RTN4: variants seen among roughly 807,000 people sequenced by gnomAD.
RTN4 encodes the protein reticulon 4.
In RTN4, 32 loss-of-function variants were observed where a neutral mutation model predicts 90.4. The ratio of observed to expected loss-of-function variants is 0.35; its 90% CI spans 0.27 to 0.48. The LOEUF (loss-of-function observed/expected upper bound fraction) is 0.48. RTN4 is among the 20% of genes least tolerant of loss of function. RTN4 has a pLI of 0.99. For missense variants in RTN4, 1,706 were observed against 1,430.2 expected (o/e 1.19, Z -3.11); for synonymous variants, 629 against 552.5 (o/e 1.14, Z -1.94).
upstream of RTN4, among the ~76,000 whole-genome samples, chr2:55,116,112 T>TTTTTTTA (rs1668120496): frequency 7.6e-5 from 11 of 144,768 alleles, no homozygotes; most frequent in East Asian, 4.1e-4. Flanking sequence ...TTTTTTTTTT[T>TTTTTTTA]GAGATTGGGT....
In RTN4 at chr2:55,049,882, G is replaced by C; in HGVS notation, c.419C>G (p.Pro140Arg). Residue 140 changes from proline (P) to arginine (R), a missense_variant, in exon 1 of 9, where the codon CCG becomes CGG. Coordinates refer to ENST00000337526, the MANE Select transcript of RTN4 (RefSeq NM_020532.5). ...PSKLPEDDEP[P>R]ARPPPPPPAS... ...CGGGGGAGGAGGGGGAGGCCGGGCC[G>C]GAGGCTCGTCGTCCTCAGGGAGCTT... 7.6e-7 allele frequency: 1 copy of C among 1,319,672 alleles called. No homozygotes were observed. The allele number at this position is 1,319,672 out of a possible 1,614,324, so 81.7% of individuals were successfully genotyped here.
intron 1 of RTN4, among the ~76,000 whole-genome samples, chr2:55,109,326 A>G (rs1426093286): frequency 6.6e-6 from 1 of 151,884 alleles, no homozygotes; most frequent in Non-Finnish European, 1.5e-5. Context: ...AAAGTTAAAG[A>G]AATGTCAATG....
At chr2:55,008,115 T>A (rs533885810) in intron 3 of RTN4, among the ~76,000 whole-genome samples, 10 of 149,990 alleles carry the variant, frequency 6.7e-5, no homozygotes, top group Middle Eastern at 6.8e-3. Flanking sequence ...AGATCGAGTA[T>A]CTTAAATACC....
At chr2:55,018,983 C>T (rs1487559944) in intron 3 of RTN4, among the ~76,000 whole-genome samples, 1 of 152,032 alleles carries the variant, frequency 6.6e-6, no homozygotes, top group Non-Finnish European at 1.5e-5. Context: ...TAAAATAGGC[C>T]TACAATATTT....
intron 1 of RTN4, among the ~76,000 whole-genome samples, chr2:55,100,316 T>C (rs1246952116): frequency 2.6e-5 from 4 of 152,112 alleles, no homozygotes; most frequent in African/African-American, 4.8e-5. Context: ...CAGGGAGCTA[T>C]TGGGGTGGCA....
At position 55,010,232 on chromosome 2, in the gene RTN4, G is replaced by A. The variant is rs552062885; in HGVS notation, c.3013+14854C>T. 17 of 1,574,924 alleles carry A rather than the reference G, an allele frequency of 1.1e-5. No homozygotes were observed. The African/African-American group carries it at 1.6e-4, about 15-fold the overall frequency. ...ACATGAAATACCCGTTTCCTCAACC[G>A]AAGTCTGCAGTCTCCTCTGCTGCAC... On this transcript the variant is annotated intron_variant, in intron 3 of 8. Transcript: ENST00000337526.
At chr2:55,036,445 T>C (rs1020706702) in intron 1 of RTN4, among the ~76,000 whole-genome samples, 1 of 151,392 alleles carries the variant, frequency 6.6e-6, no homozygotes, top group African/African-American at 2.4e-5. Context: ...CTACTAAAAA[T>C]ACAAAAATCA....
chr2:55,127,702 G>A, the RTN4 span, among the ~76,000 whole-genome samples: 29 of 152,326 alleles, frequency 1.9e-4, no homozygotes, highest in South Asian at 4.1e-4. Context: ...CCAAAGGACG[G>A]AGCTAGAACA....
At chr2:55,066,177 G>T (rs1285796693) in intron 2 of RTN4, among the ~76,000 whole-genome samples, 2 of 113,770 alleles carry the variant, frequency 1.8e-5, no homozygotes, top group African/African-American at 6.7e-5. Context: ...ATTTGTGTGT[G>T]TGTGTGTGTG....
At position 55,044,750 on chromosome 2, in the gene RTN4, AT is replaced by A. The variant is rs1482622273; in HGVS notation, c.556+4994del. On this transcript the variant is annotated intron_variant, in intron 1 of 8. Coordinates refer to ENST00000337526, the MANE Select transcript of RTN4 (RefSeq NM_020532.5). The stretch of plus-strand genomic sequence containing the variant: ...TGGTTCCACATATACCCATCACTTC[AT>A]TTTAAAAAGGATTTGAGAGAGTTTG... Among the ~76,000 whole-genome samples, 5 of 129,246 alleles carry A rather than the reference AT, an allele frequency of 3.9e-5. No individual in the cohort carries two copies. The East Asian group carries it at 1.2e-3, about 31-fold the overall frequency. The allele number at this position is 129,246 out of a possible 152,430, so 84.8% of individuals were successfully genotyped here.
At chr2:55,012,033 C>G (rs1245453955) in intron 3 of RTN4, among the ~76,000 whole-genome samples, 1 of 152,132 alleles carries the variant, frequency 6.6e-6, no homozygotes, top group Non-Finnish European at 1.5e-5. Flanking sequence ...TTTCTAATAA[C>G]AAGTCCCTTA....
At chr2:55,036,706 G>T (rs75897119) in intron 1 of RTN4, among the ~76,000 whole-genome samples, 8,600 of 150,912 alleles carry the variant, frequency 0.057, 418 homozygotes, top group African/African-American at 0.12. Context: ...AAAACCATAT[G>T]ATCATCTCAA....
intron 1 of RTN4, among the ~76,000 whole-genome samples, chr2:55,101,178 T>C (rs1300380305): frequency 6.6e-6 from 1 of 152,058 alleles, no homozygotes; most frequent in African/African-American, 2.4e-5. Context: ...TAGAAAAAAA[T>C]CTGAACAAAC....
chr2:55,055,612 A>C (rs1668174513), upstream of RTN4, among the ~76,000 whole-genome samples: 1 of 151,126 alleles, frequency 6.6e-6, no homozygotes, highest in Non-Finnish European at 1.5e-5. Flanking sequence ...CTAAAAATAC[A>C]AAAAAAAATT....
At chr2:55,086,205 G>T (rs1311322227) in intron 1 of RTN4, among the ~76,000 whole-genome samples, 1 of 152,154 alleles carries the variant, frequency 6.6e-6, no homozygotes, top group African/African-American at 2.4e-5. Flanking sequence ...ATATAAAGTT[G>T]TAAAACAACT....
the RTN4 span, among the ~76,000 whole-genome samples, chr2:55,132,502 CAA>C: frequency 0.25 from 36,174 of 142,794 alleles, 4,692 homozygotes; most frequent in Admixed American, 0.29. Flanking sequence ...GACTCTGTCT[CAA>C]AAAAAAAAAA....
At position 55,025,923 on chromosome 2, in the gene RTN4, G is replaced by C. The variant is rs753130630; in HGVS notation, c.2176C>G (p.Gln726Glu). 6.8e-6 allele frequency: 11 copies of C among 1,612,796 alleles called. No individual in the cohort carries two copies. In the Admixed American group the frequency reaches 1.8e-4, roughly 27 times the overall value. Residue 726 changes from glutamine (Q) to glutamate (E), a missense_variant, in exon 3 of 9, where the codon CAG (glutamine) becomes GAG (glutamate). Transcript: ENST00000337526. Reference protein sequence around the residue: ...SDYSEMAKVEQPVPDHSELVE... With the variant: ...SDYSEMAKVEEPVPDHSELVE... ...AGCTCAGAATGATCAGGCACTGGCT[G>C]TTCAACTTTTGCCATTTCTGAATAA...
chr2:55,050,586 G>A (rs1668056914), upstream of RTN4: 1 of 274,564 alleles, frequency 3.6e-6, no homozygotes, highest in Non-Finnish European at 6.8e-6. The surrounding 1 kb of genome is among the most constrained non-coding windows in gnomAD (Gnocchi z 4.6). Context: ...CTCCCCAGGG[G>A]AGGGCAGGGA....
the RTN4 span, among the ~76,000 whole-genome samples, chr2:55,137,058 T>C: frequency 6.6e-6 from 1 of 152,104 alleles, no homozygotes; most frequent in South Asian, 2.1e-4. Flanking sequence ...GAGAGATGCA[T>C]AAAGACAGGG....
Sources: gnomAD v4.1 joint callset for allele counts (sites outside exome capture counted in the v4.1 genomes callset) on GRCh38, gnomAD v4.1.1 for gene constraint, Gnocchi (gnomAD v3.1) non-coding constraint, MANE v1.5 for transcripts, NCBI Gene and HGNC (gene_info 2026-07-23, HGNC 2026-07-21) for gene names.